Variants in ADAMTS7 observed in about 807,000 individuals in gnomAD.
ADAMTS7 encodes the protein ADAM metallopeptidase with thrombospondin type 1 motif 7.
Under a neutral mutation model 172.6 loss-of-function variants are expected in ADAMTS7, and 89 were observed. The ratio of observed to expected loss-of-function variants is 0.52; its 90% CI spans 0.43 to 0.61. ADAMTS7 has a LOEUF of 0.61. Among genes scored for constraint, ADAMTS7 ranks in the 20% least tolerant of loss-of-function variants. The pLI is 0.00. For synonymous variants in ADAMTS7, 885 were observed against 978.4 expected, an observed-to-expected ratio of 0.90 and a Z score of 1.78; for missense variants, 1,973 against 2,355.6, an observed-to-expected ratio of 0.84 and a Z score of 3.36.
chr15:78,809,616 C>T (rs2055838988), intron 1 of ADAMTS7, among the ~76,000 whole-genome samples: 1 of 152,210 alleles, frequency 6.6e-6, no homozygotes, highest in African/African-American at 2.4e-5. Flanking sequence ...ATTTAATCCT[C>T]ATAAGAATCC....
rs2055149496 is a variant in ADAMTS7, at chr15:78,766,412, G to A, written c.3499C>T (p.Pro1167Ser). ...GACAGGCTGGGGAGCCCAAGATCTG[G>A]GGCCCCTATGGGGGTGTCTTCCTCA... is the stretch of plus-strand genomic sequence containing the variant. The part of the protein sequence containing the change: ...LPEEDTPIGA[P>S]DLGLPSLSWP... The change falls in exon 19 of 24, where the codon CCA becomes TCA. Residue 1167 changes from proline (P) to serine (S), a missense_variant. Coordinates refer to ENST00000388820, the MANE Select transcript of ADAMTS7 (RefSeq NM_014272.5). The A allele has an allele frequency of 6.2e-7, 1 of 1,601,050 alleles. No homozygotes were observed. Among genetic ancestry groups the A allele is most frequent in the Non-Finnish European group, 8.5e-7 (1 of 1,175,398 alleles).
In ADAMTS7 at chr15:78,775,739, G is replaced by A. The variant is rs551751072; in HGVS notation, c.1706+449C>T. ...CTACAGATGAGCTGCAGGGCTGAGG[G>A]CCTGGCCTGCATAAACTGCATTTGC... On this transcript the variant is annotated intron_variant, in intron 11 of 23. Coordinates refer to ENST00000388820, the MANE Select transcript of ADAMTS7 (RefSeq NM_014272.5). Among the ~76,000 whole-genome samples the A allele has an allele frequency of 8.3e-4, 127 of 152,332 alleles. 1 individual carries two copies. The highest frequency in any genetic ancestry group is 2.7e-3 in the African/African-American group (113 of 41,574).
At chr15:78,778,307 C>G (rs1313939315) in intron 8 of ADAMTS7, among the ~76,000 whole-genome samples, 1 of 152,266 alleles carries the variant, frequency 6.6e-6, no homozygotes, top group African/African-American at 2.4e-5. Flanking sequence ...CACCATGAGG[C>G]AGGAAGCATG....
chr15:78,764,020 G>A lies in ADAMTS7; in HGVS notation c.4499C>T (p.Pro1500Leu), dbSNP rs917218693. 1.1e-5 allele frequency: 17 copies of A among 1,541,114 alleles called. No homozygotes were observed. The African/African-American group carries it at 2.1e-4, about 19-fold the overall frequency. ...GGCAGGCCCGGGCTGACAATGGAAG[G>A]GCCGCAGTGGCCGGAGGTCCCGTGT... ...VDTRDLRPLR[P>L]FHCQPGPAKP... The change falls in exon 21 of 24, where the codon CCC (proline) becomes CTC (leucine). Residue 1500 changes from proline (P) to leucine (L), a missense_variant. This residue lies in a region of ADAMTS7 where 218 missense variants were observed against 216.9 expected (regional missense o/e 1.01). Coordinates refer to ENST00000388820, the MANE Select transcript of ADAMTS7 (RefSeq NM_014272.5).
intron 1 of ADAMTS7, among the ~76,000 whole-genome samples, chr15:78,805,166 C>T (rs1468605285): frequency 6.6e-6 from 1 of 152,212 alleles, no homozygotes; most frequent in East Asian, 1.9e-4. Context: ...TCAGAAGCCA[C>T]CGGACTGGAT....
At chr15:78,800,829 G>A (rs1379171138) in intron 1 of ADAMTS7, among the ~76,000 whole-genome samples, 1 of 152,108 alleles carries the variant, frequency 6.6e-6, no homozygotes, top group African/African-American at 2.4e-5. Context: ...GCTGGAGTGC[G>A]TGGCGCGATC....
intron 8 of ADAMTS7, among the ~76,000 whole-genome samples, chr15:78,784,202 TA>T (rs1375591093): frequency 1.3e-5 from 2 of 151,472 alleles, no homozygotes; most frequent in African/African-American, 4.9e-5. Flanking sequence ...TAGAAAAAAT[TA>T]AAAATTAAAA....
At chr15:78,789,526 G>A (rs1390705468) in intron 7 of ADAMTS7, among the ~76,000 whole-genome samples, 163 bp downstream of exon 7, 3 of 152,342 alleles carry the variant, frequency 2.0e-5, no homozygotes, top group Non-Finnish European at 1.5e-5. Context: ...GCCTGGTTGT[G>A]GGGAGGGGAC....
At chr15:78,801,177 T>C (rs1480306563) in intron 1 of ADAMTS7, among the ~76,000 whole-genome samples, 4 of 152,188 alleles carry the variant, frequency 2.6e-5, no homozygotes, top group African/African-American at 9.7e-5. Context: ...ATCGTCTTAC[T>C]CTGCTCATCG....
At position 78,775,415 on chromosome 15, in the gene ADAMTS7, G is replaced by C. The variant is rs533992282; in HGVS notation, c.1707-622C>G. On this transcript the variant is annotated intron_variant, in intron 11 of 23. Transcript: ENST00000388820. ...GGGCACAGGCCACTCTTGGGTAAGC[G>C]CAGGGCCCTGGGTGGGGCTGGCTGT... Among the ~76,000 whole-genome samples the C allele has an allele frequency of 1.2e-4, 19 of 152,190 alleles. No individual in the cohort carries two copies. The South Asian group carries it at 3.1e-3, about 25-fold the overall frequency.
rs763223110 is a variant in ADAMTS7, at chr15:78,771,398, C to T, written c.2377-95G>A. 6.3e-7 allele frequency: 1 copy of T among 1,588,336 alleles called. No individual in the cohort carries two copies. The highest frequency in any genetic ancestry group is 1.3e-5 in the African/African-American group (1 of 74,556). On this transcript the variant is annotated intron_variant, in intron 15 of 23. Coordinates refer to ENST00000388820, the MANE Select transcript of ADAMTS7 (RefSeq NM_014272.5). This position sits in a 1 kb window ranked among gnomAD's most constrained non-coding sequence, Gnocchi z 4.9. ...CCCCAGCCACCTCTGTGAACTGCAG[C>T]TACAAGATTGGGCCATTTTAAAGAT... is the stretch of plus-strand genomic sequence containing the variant.
chr15:78,791,077 C>T (rs1033980530), intron 5 of ADAMTS7, 63 bp downstream of exon 5: 3 of 1,547,068 alleles, frequency 1.9e-6, no homozygotes, highest in African/African-American at 2.7e-5. Context: ...ACAGGTCATG[C>T]GGCAGGAGGG....
At position 78,800,354 on chromosome 15, in the gene ADAMTS7, A is replaced by C. The variant is rs2055705365; in HGVS notation, c.294T>G (p.Asn98Lys). The C allele has an allele frequency of 6.2e-7, 1 of 1,605,068 alleles. No individual in the cohort carries two copies. The highest frequency in any genetic ancestry group is 1.3e-5 in the African/African-American group (1 of 74,714). ...CAAAGCCGGGCGCCAGCAGGTGCTG[A>C]TTGGCGGTCAGGTTGAAGCGCAGCT... ...GRELRFNLTA[N>K]QHLLAPGFVS... Residue 98 changes from asparagine to lysine, a missense_variant, in exon 2 of 24, where the codon AAT (asparagine) becomes AAG (lysine). Asn to Lys is a moderately conservative substitution (Grantham distance 94). Transcript: ENST00000388820.
chr15:78,771,585 C>T lies in ADAMTS7; in HGVS notation c.2376G>A (p.Gln792=). 6.3e-7 allele frequency: 1 copy of T among 1,595,918 alleles called. No homozygotes were observed. Among genetic ancestry groups the T allele is most frequent in the Non-Finnish European group, 8.5e-7 (1 of 1,176,638 alleles). Reference sequence around the variant, plus strand: ...CGCCTGGGCCACGGGAGGCAGGCACCTGGATCCAGACAGGCTCCTTGGTGG... The same window carrying T: ...CGCCTGGGCCACGGGAGGCAGGCACTTGGATCCAGACAGGCTCCTTGGTGG... ...PGPTKEPVWI[Q]LLFQESNPGV... Residue 792 remains glutamine, a splice_region_variant and synonymous_variant, in exon 15 of 24, where the codon CAG becomes CAA. Coordinates refer to ENST00000388820, the MANE Select transcript of ADAMTS7 (RefSeq NM_014272.5). The surrounding 1 kb of genome is among the most constrained non-coding windows in gnomAD (Gnocchi z 4.9).
chr15:78,777,321 C>T, intron 9 of ADAMTS7, 123 bp downstream of exon 9: 2 of 1,359,600 alleles, frequency 1.5e-6, no homozygotes, highest in South Asian at 1.4e-5. Flanking sequence ...CAGTGTCACT[C>T]AGGGGCGCAG....
At position 78,767,579 on chromosome 15, in the gene ADAMTS7, C is replaced by T. The variant is rs1187704580; in HGVS notation, c.2659G>A (p.Glu887Lys). 2 of 1,546,206 alleles carry T rather than the reference C, an allele frequency of 1.3e-6. No homozygotes were observed. The highest frequency in any genetic ancestry group is 1.4e-5 in the African/African-American group (1 of 73,232). Reference sequence around the variant, plus strand: ...CAGGAGCTGGAGCACAGCTGCCACTCACCTGCCCACCACCTGGCGAGGGCA... The same window carrying T: ...CAGGAGCTGGAGCACAGCTGCCACTTACCTGCCCACCACCTGGCGAGGGCA... ...QPCPARWWAG[E>K]WQLCSSSCGP... is the part of the protein sequence containing the mutation. Residue 887 changes from glutamate (E) to lysine (K), a missense_variant, in exon 18 of 24, where the codon GAG (glutamate) becomes AAG (lysine). By Grantham distance (56) the Glu-to-Lys change is moderately conservative. Coordinates refer to ENST00000388820, the MANE Select transcript of ADAMTS7 (RefSeq NM_014272.5).
rs1463670873 is a variant in ADAMTS7, at chr15:78,771,834, C to A, written c.2132-5G>T. On this transcript the variant is annotated splice_polypyrimidine_tract_variant and splice_region_variant and intron_variant, in intron 14 of 23. Coordinates refer to ENST00000388820, the MANE Select transcript of ADAMTS7 (RefSeq NM_014272.5). The surrounding 1 kb of genome is among the most constrained non-coding windows in gnomAD (Gnocchi z 4.9). The stretch of plus-strand genomic sequence containing the variant: ...TCAGCCCCACATCCACATACCCTGT[C>A]AGCCAAGGGTTGTGCATAGGTTGTG... The A allele has an allele frequency of 6.2e-7, 1 of 1,609,004 alleles. No individual in the cohort carries two copies. Among genetic ancestry groups the A allele is most frequent in the Non-Finnish European group, 8.5e-7 (1 of 1,179,644 alleles).
intron 8 of ADAMTS7, among the ~76,000 whole-genome samples, chr15:78,784,785 A>G (rs1417366743): frequency 6.6e-6 from 1 of 152,186 alleles, no homozygotes; most frequent in Non-Finnish European, 1.5e-5. Flanking sequence ...GGAAACTAGA[A>G]GACAACAGAA....
rs1261036988 is a variant in ADAMTS7, at chr15:78,759,517, G to A, written c.4965C>T (p.Cys1655=). 2 of 1,597,062 alleles carry A rather than the reference G, an allele frequency of 1.3e-6. No homozygotes were observed. The highest frequency in any genetic ancestry group is 1.7e-6 in the Non-Finnish European group (2 of 1,177,140). The change falls in exon 24 of 24, where the codon TGC becomes TGT. Residue 1655 remains cysteine, a synonymous_variant. Coordinates refer to ENST00000388820, the MANE Select transcript of ADAMTS7 (RefSeq NM_014272.5). ...FCETLRLLGR[C]QLPTIRTQCC... is the part of the protein sequence containing the mutation. ...ACTGGGTGCGGATGGTGGGCAGCTG[G>A]CAGCGGCCCAGTAGGCGCAGCGTCT... is the stretch of plus-strand genomic sequence containing the variant.
Sources: allele counts gnomAD v4.1 joint callset (sites outside exome capture counted in the v4.1 genomes callset), GRCh38; gene constraint gnomAD v4.1.1; regional missense constraint gnomAD v4.1.1; non-coding constraint Gnocchi (gnomAD v3.1); transcripts MANE v1.5; gene names NCBI Gene and HGNC (gene_info 2026-07-23, HGNC 2026-07-21).